Variants in PTPRN2 observed in about 807,000 individuals in gnomAD.
The protein encoded by PTPRN2 is protein tyrosine phosphatase receptor type N2, also known as receptor-type tyrosine-protein phosphatase N2.
A neutral mutation model predicts 118.8 loss-of-function variants in PTPRN2; 74 were observed. The ratio of observed to expected loss-of-function variants is 0.62; its 90% CI spans 0.52 to 0.76. PTPRN2 has a LOEUF of 0.76. Ranked by LOEUF, PTPRN2 falls within the 30% of genes least tolerant of loss-of-function variation. The probability of loss-of-function intolerance (pLI) is 0.00; values close to 1 mark genes in which losing one functional copy is unlikely to be tolerated. For synonymous variants in PTPRN2, 641 were observed against 608.0 expected, an observed-to-expected ratio of 1.05 and a Z score of -0.80; for missense variants, 1,481 against 1,394.4, an observed-to-expected ratio of 1.06 and a Z score of -0.99.
intron 1 of PTPRN2, among the ~76,000 whole-genome samples, chr7:158,496,193 T>C (rs542894677): frequency 0.013 from 1,176 of 90,944 alleles, 17 homozygotes; most frequent in African/African-American, 0.035. Flanking sequence ...ACCCCTGCAG[T>C]GTCCCCCTTC....
intron 3 of PTPRN2, among the ~76,000 whole-genome samples, chr7:158,211,214 A>C (rs1827573657): frequency 6.6e-6 from 1 of 152,208 alleles, no homozygotes; most frequent in Non-Finnish European, 1.5e-5. Flanking sequence ...CAAACTATGA[A>C]ACGACTAAAA....
rs1814322888 is a variant in PTPRN2 at position 158,093,035 on chromosome 7, C to T, written c.1644-11658G>A. 6.6e-6 allele frequency among the ~76,000 whole-genome samples: 1 copy of T among 152,238 alleles called. No homozygotes were observed. Among genetic ancestry groups the T allele is most frequent in the Non-Finnish European group, 1.5e-5 (1 of 68,050 alleles). On this transcript the variant is annotated intron_variant, in intron 10 of 22. Transcript: ENST00000389418. This position sits in a 1 kb window ranked among gnomAD's most constrained non-coding sequence, Gnocchi z 4.4. ...AATAGTCCAATTCTAATATCAATGC[C>T]ACCACTAGAATCACAACTTCGGCGT...
chr7:158,473,738 C>G (rs1007457131), intron 2 of PTPRN2, among the ~76,000 whole-genome samples: 1 of 152,096 alleles, frequency 6.6e-6, no homozygotes, highest in Non-Finnish European at 1.5e-5. Context: ...CACAGCCATC[C>G]AACTGTCTAA....
rs1337752038 is a variant in PTPRN2, at chr7:157,583,083, CAATGGAT to C, written c.2497-4950_2497-4944del. Among the ~76,000 whole-genome samples the C allele has an allele frequency of 5.9e-5, 9 of 152,054 alleles. No individual in the cohort carries two copies. The highest frequency in any genetic ancestry group is 2.2e-4 in the African/African-American group (9 of 41,406). ...GATTTGGAACAACCCACATGTCTGT[CAATGGAT>C]AATGGCTAAAGAAAATGTGGTATAT... On this transcript the variant is annotated intron_variant, in intron 17 of 22. Coordinates refer to ENST00000389418, the MANE Select transcript of PTPRN2 (RefSeq NM_002847.5). The surrounding 1 kb of genome is among the most constrained non-coding windows in gnomAD (Gnocchi z 5.5).
Position 157,751,140 on chromosome 7 carries a change from C to G in PTPRN2, c.1789-68203G>C, listed in dbSNP as rs113877326. ...ACGCCCAGTAGTAGGCTGGGGGGAC[C>G]TGCAGCCGCAGGACCAAGGGATTGA... On this transcript the variant is annotated intron_variant, in intron 12 of 22. Transcript: ENST00000389418. Among the ~76,000 whole-genome samples, 392 of 152,318 alleles carry G rather than the reference C, an allele frequency of 2.6e-3. 1 individual carries two copies. The highest frequency in any genetic ancestry group is 9.0e-3 in the African/African-American group (375 of 41,572).
At chr7:158,388,329 A>T (rs912538380) in intron 2 of PTPRN2, among the ~76,000 whole-genome samples, 2 of 152,040 alleles carry the variant, frequency 1.3e-5, no homozygotes, top group Admixed American at 6.5e-5. Context: ...CCACCCCCCC[A>T]TGAGGGCCAG....
chr7:158,407,149 T>TCCC (rs1813534410), intron 2 of PTPRN2, among the ~76,000 whole-genome samples: 4 of 102,586 alleles, frequency 3.9e-5, no homozygotes, highest in East Asian at 8.1e-4. Context: ...TCCTGCGTCC[T>TCCC]GGGTCCTGGG....
intron 12 of PTPRN2, among the ~76,000 whole-genome samples, chr7:157,836,205 T>A (rs1346901393): frequency 6.6e-6 from 1 of 152,250 alleles, no homozygotes; most frequent in Non-Finnish European, 1.5e-5. Flanking sequence ...TTGCCCTAAA[T>A]AATTGCATGC....
At chr7:157,842,736 T>C (rs745319029) in intron 12 of PTPRN2, among the ~76,000 whole-genome samples, 2 of 152,072 alleles carry the variant, frequency 1.3e-5, no homozygotes, top group Non-Finnish European at 2.9e-5. Context: ...TGTGCCCCTG[T>C]CTCCGCCACA....
chr7:158,248,705 CCA>C (rs1398193516), intron 3 of PTPRN2, among the ~76,000 whole-genome samples: 1 of 148,960 alleles, frequency 6.7e-6, no homozygotes, highest in African/African-American at 2.5e-5. Flanking sequence ...TGCACACACG[CCA>C]CACACATGCA....
chr7:157,952,461 C>T (rs1465783117), intron 11 of PTPRN2, among the ~76,000 whole-genome samples: 3 of 40,180 alleles, frequency 7.5e-5, no homozygotes, highest in Non-Finnish European at 1.6e-4. Context: ...ATGCCTGAGA[C>T]GGGGTGGGGG....
rs938887813 is a variant in PTPRN2, at chr7:157,619,341, G to A, written c.2344+2021C>T. Among the ~76,000 whole-genome samples the A allele has an allele frequency of 3.3e-5, 5 of 151,840 alleles. No homozygotes were observed. Among genetic ancestry groups the A allele is most frequent in the Non-Finnish European group, 7.4e-5 (5 of 67,988 alleles). On this transcript the variant is annotated intron_variant, in intron 15 of 22. Coordinates refer to ENST00000389418, the MANE Select transcript of PTPRN2 (RefSeq NM_002847.5). This position sits in a 1 kb window ranked among gnomAD's most constrained non-coding sequence, Gnocchi z 5.3. ...CGCTTACTGCATGGCTATTTACCAC[G>A]AACCATTCTCCACTCAGGACTCAGC...
In PTPRN2 at chr7:158,528,282, G is replaced by A. The variant is rs368113543; in HGVS notation, c.113-38497C>T. Among the ~76,000 whole-genome samples the A allele has an allele frequency of 1.1e-4, 16 of 152,274 alleles. No individual in the cohort carries two copies. The South Asian group carries it at 2.1e-3, about 20-fold the overall frequency. ...GGGTGCAGGACAGGCGGGGGCACCC[G>A]CCTGGGCAGCCTCCAGATGCTGCTG... On this transcript the variant is annotated intron_variant, in intron 1 of 22. Transcript: ENST00000389418.
At chr7:158,402,198 C>T (rs1366206138) in intron 2 of PTPRN2, among the ~76,000 whole-genome samples, 1 of 152,126 alleles carries the variant, frequency 6.6e-6, no homozygotes, top group African/African-American at 2.4e-5. Flanking sequence ...AGTCCACATA[C>T]ATCTTGTGGG....
At chr7:158,410,897 G>A (rs148577129) in intron 2 of PTPRN2, among the ~76,000 whole-genome samples, 22 of 150,546 alleles carry the variant, frequency 1.5e-4, no homozygotes, top group African/African-American at 5.2e-4. Flanking sequence ...CGGAGACACA[G>A]GGAAGGGGTG....
At chr7:158,469,046 A>AGAATG (rs1349194818) in intron 2 of PTPRN2, among the ~76,000 whole-genome samples, 14 of 152,142 alleles carry the variant, frequency 9.2e-5, no homozygotes, top group Admixed American at 2.0e-4. Flanking sequence ...GTGGATCAAC[A>AGAATG]CTATGCACAC....
rs560398054 is a variant in PTPRN2, at chr7:157,592,524, G to A, written c.2496+2714C>T. ...GTTGGATGTGGGCATCATCGTGGTCGTTGAGTGTGGACGCCGAGAGGCTTC... is the reference window on the plus strand; with the variant it reads ...GTTGGATGTGGGCATCATCGTGGTCATTGAGTGTGGACGCCGAGAGGCTTC... On this transcript the variant is annotated intron_variant, in intron 17 of 22. Transcript: ENST00000389418. 3.5e-3 allele frequency among the ~76,000 whole-genome samples: 538 copies of A among 151,886 alleles called. 3 individuals carry two copies. The highest frequency in any genetic ancestry group is 9.3e-3 in the African/African-American group (384 of 41,404).
At chr7:157,804,663 GCACA>G (rs373706388) in intron 12 of PTPRN2, among the ~76,000 whole-genome samples, 22 of 152,292 alleles carry the variant, frequency 1.4e-4, no homozygotes, top group African/African-American at 5.1e-4. Flanking sequence ...GCACACACAT[GCACA>G]CAGTCTCCCC....
chr7:158,210,236 C>T (rs1156521370), intron 3 of PTPRN2, among the ~76,000 whole-genome samples: 6 of 149,416 alleles, frequency 4.0e-5, no homozygotes, highest in South Asian at 4.3e-4. Flanking sequence ...CCCGGGTTCA[C>T]GCCATTCTCC....
Sources: allele counts gnomAD v4.1 joint callset (sites outside exome capture counted in the v4.1 genomes callset), GRCh38; gene constraint gnomAD v4.1.1; non-coding constraint Gnocchi (gnomAD v3.1); transcripts MANE v1.5; gene names NCBI Gene and HGNC (gene_info 2026-07-23, HGNC 2026-07-21).